Variants in PDCD10 observed in about 807,000 individuals in gnomAD.
PDCD10 encodes the protein programmed cell death protein 10.
A neutral mutation model predicts 29.2 loss-of-function variants in PDCD10; 4 were observed. The ratio of observed to expected loss-of-function variants is 0.14; its 90% confidence interval spans 0.07 to 0.31. The LOEUF (loss-of-function observed/expected upper bound fraction) is 0.31. PDCD10 is among the 10% of genes least tolerant of loss of function. The pLI, the probability that PDCD10 is intolerant of heterozygous loss-of-function variation, is 1.00. For synonymous variants in PDCD10, 70 were observed against 82.2 expected, an observed-to-expected ratio of 0.85 and a Z score of 0.80; for missense variants, 183 against 257.9, an observed-to-expected ratio of 0.71 and a Z score of 1.99.
At chr3:167,696,231 T>C (rs1485648844) in intron 5 of PDCD10, among the ~76,000 whole-genome samples, 4 of 152,082 alleles carry the variant, frequency 2.6e-5, no homozygotes, top group Non-Finnish European at 5.9e-5. Flanking sequence ...GAAATCTCAC[T>C]TAAAAACAAA....
chr3:167,733,842 A>C (rs1232147219), intron 2 of PDCD10, among the ~76,000 whole-genome samples: 1 of 152,224 alleles, frequency 6.6e-6, no homozygotes, highest in Non-Finnish European at 1.5e-5. Context: ...GAACTGTGAG[A>C]GTAGAGTCTA....
At chr3:167,729,562 A>C (rs566347377) in intron 2 of PDCD10, among the ~76,000 whole-genome samples, 1 of 152,246 alleles carries the variant, frequency 6.6e-6, no homozygotes, top group East Asian at 1.9e-4. Context: ...TAGTTTCCTC[A>C]TTTAAAAACT....
At chr3:167,688,083 T>C (rs191412250) in intron 6 of PDCD10, among the ~76,000 whole-genome samples, 15 of 152,386 alleles carry the variant, frequency 9.8e-5, no homozygotes, top group African/African-American at 3.6e-4. Context: ...CAAGCTACCA[T>C]GTTCTCTACT....
intron 3 of PDCD10, among the ~76,000 whole-genome samples, chr3:167,709,378 C>T (rs1020279879): frequency 1.8e-4 from 28 of 152,076 alleles, no homozygotes; most frequent in Admixed American, 1.8e-3. Context: ...CCCCTCCCCC[C>T]ATCCCGCAAT....
chr3:167,683,305 T>G lies in PDCD10; in HGVS notation c.*1003A>C, dbSNP rs1405306627. The G allele has an allele frequency of 6.6e-6, 1 of 152,100 alleles. No individual in the cohort carries two copies. Among genetic ancestry groups the G allele is most frequent in the African/African-American group, 2.4e-5 (1 of 41,438 alleles). The allele number at this position is 152,100 out of a possible 1,614,324, so 9.4% of individuals were successfully genotyped here. ...TTATAAAAGATAAGCAAATTCTGAT[T>G]TTTTCCCTTTATTTTATAATTGAAA... On this transcript the variant is annotated 3_prime_UTR_variant, in exon 9 of 9. Coordinates refer to ENST00000392750, the MANE Select transcript of PDCD10 (RefSeq NM_007217.4).
intron 3 of PDCD10, among the ~76,000 whole-genome samples, chr3:167,705,147 G>T (rs1721853429): frequency 6.6e-6 from 1 of 151,960 alleles, no homozygotes; most frequent in Non-Finnish European, 1.5e-5. Context: ...AACATGTGAG[G>T]TTTATAATTT....
At chr3:167,706,600 G>A (rs2108442997) in intron 3 of PDCD10, among the ~76,000 whole-genome samples, 1 of 152,336 alleles carries the variant, frequency 6.6e-6, no homozygotes, top group African/African-American at 2.4e-5. Flanking sequence ...ATCACTTGGT[G>A]AGAGGAATTT....
In PDCD10 at chr3:167,704,858, C is replaced by T; in HGVS notation, c.134G>A (p.Arg45Lys). Reference protein sequence around the residue: ...RVNLSAAQTLRAAFIKAEKEN... With the variant: ...RVNLSAAQTLKAAFIKAEKEN... ...GCACCTCACCTTGATGAAAGCGGCTCTCAGTGTCTGGGCTGCAGACAGATT... is the reference window on the plus strand; with the variant it reads ...GCACCTCACCTTGATGAAAGCGGCTTTCAGTGTCTGGGCTGCAGACAGATT... Residue 45 changes from arginine to lysine, a missense_variant, in exon 4 of 9, where the codon AGA (arginine) becomes AAA (lysine). By Grantham distance (26) the Arg-to-Lys change is conservative. Coordinates refer to ENST00000392750, the MANE Select transcript of PDCD10 (RefSeq NM_007217.4). 1.9e-6 allele frequency: 3 copies of T among 1,607,280 alleles called. No homozygotes were observed. Among genetic ancestry groups the T allele is most frequent in the Non-Finnish European group, 2.6e-6 (3 of 1,174,142 alleles).
intron 2 of PDCD10, chr3:167,725,292 C>T (rs966619106): frequency 1.4e-5 from 2 of 146,258 alleles, no homozygotes; most frequent in African/African-American, 5.0e-5. Context: ...AAAAAAATCA[C>T]TCATCAAACT....
chr3:167,707,087 T>C lies in PDCD10; in HGVS notation c.97-2192A>G, dbSNP rs150842205. On this transcript the variant is annotated intron_variant, in intron 3 of 8. Transcript: ENST00000392750. ...CCTACCATGTACTTGAGTTCCTACA[T>C]GTACAACGTGAAGCAGCTATATGAA... Among the ~76,000 whole-genome samples, 6 of 152,316 alleles carry C rather than the reference T, an allele frequency of 3.9e-5. No homozygotes were observed. The East Asian group carries it at 1.2e-3, about 29-fold the overall frequency.
intron 3 of PDCD10, among the ~76,000 whole-genome samples, chr3:167,709,764 T>C (rs910965962): frequency 2.6e-5 from 4 of 151,224 alleles, no homozygotes; most frequent in African/African-American, 9.7e-5. Flanking sequence ...ACCAAGGGAA[T>C]GGATGTGTCA....
intron 8 of PDCD10, among the ~76,000 whole-genome samples, chr3:167,684,854 A>G (rs2108365058): frequency 6.6e-6 from 1 of 152,340 alleles, no homozygotes; most frequent in Non-Finnish European, 1.5e-5. Flanking sequence ...AAAGGTAGAA[A>G]TTCTAAGCTA....
At chr3:167,700,852 T>G (rs972934987) in intron 4 of PDCD10, among the ~76,000 whole-genome samples, 3 of 152,128 alleles carry the variant, frequency 2.0e-5, no homozygotes, top group African/African-American at 7.2e-5. Flanking sequence ...AGAAAATCTT[T>G]GAGGAAAAAA....
chr3:167,721,931 A>G (rs1369555152), intron 2 of PDCD10, among the ~76,000 whole-genome samples: 4 of 152,178 alleles, frequency 2.6e-5, no homozygotes, highest in African/African-American at 9.7e-5. Flanking sequence ...TGTCAGAAAT[A>G]AACAAGACCA....
At chr3:167,686,897 A>C (rs1719683089) in intron 8 of PDCD10, among the ~76,000 whole-genome samples, 1 of 152,232 alleles carries the variant, frequency 6.6e-6, no homozygotes, top group South Asian at 2.1e-4. Flanking sequence ...ATAAAGTTTT[A>C]TTAAAACACA....
chr3:167,712,307 T>A (rs1722600081), intron 3 of PDCD10, among the ~76,000 whole-genome samples: 1 of 152,070 alleles, frequency 6.6e-6, no homozygotes, highest in African/African-American at 2.4e-5. Context: ...CTTGTTTATT[T>A]CAAAAGCTAA....
At chr3:167,708,721 G>C (rs1489799863) in intron 3 of PDCD10, among the ~76,000 whole-genome samples, 1 of 152,278 alleles carries the variant, frequency 6.6e-6, no homozygotes, top group East Asian at 1.9e-4. Context: ...GCTTCTAAAA[G>C]AATCAGTTCT....
chr3:167,712,380 G>C (rs956080748), intron 3 of PDCD10, among the ~76,000 whole-genome samples: 6 of 151,982 alleles, frequency 3.9e-5, no homozygotes, highest in Non-Finnish European at 7.4e-5. Context: ...TATGTAATCA[G>C]TGATAAGCTG....
intron 2 of PDCD10, among the ~76,000 whole-genome samples, chr3:167,727,890 AC>A (rs1008882389): frequency 1.7e-4 from 26 of 152,356 alleles, no homozygotes; most frequent in African/African-American, 6.3e-4. Context: ...GTTGACAGAA[AC>A]TATTAGCCCC....
Sources: gnomAD v4.1 joint callset for allele counts (sites outside exome capture counted in the v4.1 genomes callset) on GRCh38, gnomAD v4.1.1 for gene constraint, MANE v1.5 for transcripts, NCBI Gene and HGNC (gene_info 2026-07-23, HGNC 2026-07-21) for gene names.